Variants in DPP10 observed in about 807,000 individuals in gnomAD.
The protein encoded by DPP10 is dipeptidyl peptidase like 10.
DPP10 carries 33 observed loss-of-function variants against 120.9 expected under a neutral mutation model. The ratio of observed to expected loss-of-function variants is 0.27; its 90% confidence interval spans 0.21 to 0.37. DPP10 has a LOEUF of 0.37. Ranked by LOEUF, DPP10 falls within the 10% of genes least tolerant of loss-of-function variation. DPP10 has a pLI of 1.00. For missense variants in DPP10, 816 were observed against 942.8 expected, an observed-to-expected ratio of 0.87 and a Z score of 1.76; for synonymous variants, 337 against 326.1, an observed-to-expected ratio of 1.03 and a Z score of -0.36.
chr2:115,399,624 A>G (rs898436596), intron 3 of DPP10, among the ~76,000 whole-genome samples: 2 of 152,122 alleles, frequency 1.3e-5, no homozygotes, highest in South Asian at 2.1e-4. Context: ...TTTATCTTCT[A>G]TTGATGGACT....
intron 3 of DPP10, among the ~76,000 whole-genome samples, chr2:115,426,568 A>T (rs1258292229): frequency 2.6e-5 from 3 of 117,528 alleles, no homozygotes; most frequent in African/African-American, 1.0e-4. Context: ...TCAACATGAG[A>T]TTCTCACCAG....
At chr2:115,457,988 C>T (rs1717053) in intron 3 of DPP10, among the ~76,000 whole-genome samples, 81,285 of 151,840 alleles carry the variant, frequency 0.54, 23,700 homozygotes, top group Non-Finnish European at 0.67. Flanking sequence ...AAAGAACAAA[C>T]TCCTGTGGCT....
chr2:115,368,682 C>T (rs907592170), intron 3 of DPP10, among the ~76,000 whole-genome samples: 4 of 151,762 alleles, frequency 2.6e-5, no homozygotes, highest in African/African-American at 4.8e-5. Context: ...GATCAAGTGA[C>T]TATGTGGTAT....
chr2:115,173,681 C>A (rs2053517126), intron 1 of DPP10, among the ~76,000 whole-genome samples: 3 of 152,114 alleles, frequency 2.0e-5, no homozygotes. Flanking sequence ...GTAAAATCTG[C>A]AGATGGTAAT....
At chr2:115,599,765 A>G (rs1022056930) in intron 5 of DPP10, among the ~76,000 whole-genome samples, 1 of 152,088 alleles carries the variant, frequency 6.6e-6, no homozygotes, top group Non-Finnish European at 1.5e-5. Flanking sequence ...ATTCTGTTCT[A>G]TTTTACCTCC....
rs1200399708 is a variant in DPP10, at chr2:114,748,362, T to TTTATTTTA, written c.60+305526_60+305527insATTTTATT. Among the ~76,000 whole-genome samples the TTTATTTTA allele has an allele frequency of 2.2e-3, 278 of 124,710 alleles. 5 individuals are homozygous for TTTATTTTA. The highest frequency in any genetic ancestry group is 9.2e-3 in the African/African-American group (274 of 29,760). 81.8% of individuals were successfully genotyped at this position (124,710 alleles called of 152,430 possible). On this transcript the variant is annotated intron_variant, in intron 1 of 25. Transcript: ENST00000410059. ...TCTTTTTTTTTTTTATTTTTTTTTATTTTATTTATTTATTTATTTATTTAT... is the reference window on the plus strand; with the variant it reads ...TCTTTTTTTTTTTTATTTTTTTTTATTTATTTTATTTATTTATTTATTTATTTATTTAT...
At chr2:115,699,935 A>C (rs1329142672) in intron 7 of DPP10, among the ~76,000 whole-genome samples, 1 of 152,212 alleles carries the variant, frequency 6.6e-6, no homozygotes, top group African/African-American at 2.4e-5. Flanking sequence ...GAAATATCTG[A>C]GGATGGGTAA....
At chr2:115,529,175 C>G in intron 5 of DPP10, among the ~76,000 whole-genome samples, 1 of 148,682 alleles carries the variant, frequency 6.7e-6, no homozygotes, top group South Asian at 2.1e-4. Context: ...TTTTTTTTTT[C>G]CGGTGGGAGG....
At chr2:115,127,787 A>G (rs2050151399) in intron 1 of DPP10, among the ~76,000 whole-genome samples, 1 of 152,178 alleles carries the variant, frequency 6.6e-6, no homozygotes, top group African/African-American at 2.4e-5. Flanking sequence ...AGCCACTGTG[A>G]CTGTCATATT....
chr2:115,382,773 C>T (rs1400662), intron 3 of DPP10, among the ~76,000 whole-genome samples: 97,875 of 151,574 alleles, frequency 0.65, 32,174 homozygotes, highest in Admixed American at 0.74. Flanking sequence ...TTTGTTCCCA[C>T]CATTCAATTA....
Position 115,568,630 on chromosome 2 carries a change from C to T in DPP10, c.441+42658C>T, listed in dbSNP as rs1465220418. On this transcript the variant is annotated intron_variant, in intron 5 of 25. Transcript: ENST00000410059. ...TTTTGTCTTTTGCTCATTTTTCTAT[C>T]GCGTACTTGGTCGTTATTCTAAATC... Among the ~76,000 whole-genome samples the T allele has an allele frequency of 2.1e-5, 3 of 145,476 alleles. No individual in the cohort carries two copies. In the Admixed American group the frequency reaches 2.1e-4, roughly 10 times the overall value.
At chr2:114,483,287 T>C (rs1011503018) in intron 1 of DPP10, among the ~76,000 whole-genome samples, 2 of 151,454 alleles carry the variant, frequency 1.3e-5, no homozygotes, top group South Asian at 2.1e-4. Context: ...CAAGGAGAGG[T>C]GAGTTTGTTT....
Position 114,862,596 on chromosome 2 carries a change from G to A in DPP10, c.60+419758G>A, listed in dbSNP as rs550863013. 9.2e-5 allele frequency among the ~76,000 whole-genome samples: 14 copies of A among 152,204 alleles called. No individual in the cohort carries two copies. The East Asian group carries it at 2.7e-3, about 29-fold the overall frequency. ...AAAGAAGCTACATGAGGAGCAGACA[G>A]AAAAGTTAAACCTAAAAAAGAGCAA... On this transcript the variant is annotated intron_variant, in intron 1 of 25. Transcript: ENST00000410059.
At chr2:115,009,555 G>A (rs2105076403) in intron 1 of DPP10, among the ~76,000 whole-genome samples, 1 of 149,734 alleles carries the variant, frequency 6.7e-6, no homozygotes, top group Middle Eastern at 3.4e-3. Context: ...ATGTGCACAT[G>A]TACCCTAAAA....
chr2:115,794,956 C>A (rs1028715814), intron 19 of DPP10, among the ~76,000 whole-genome samples: 3 of 152,080 alleles, frequency 2.0e-5, no homozygotes, highest in Non-Finnish European at 2.9e-5. Context: ...AACAAGATTG[C>A]AAGCATCTTG....
At chr2:115,071,374 G>T (rs948199258) in intron 1 of DPP10, among the ~76,000 whole-genome samples, 1 of 152,126 alleles carries the variant, frequency 6.6e-6, no homozygotes. Flanking sequence ...TTTGGTCTAG[G>T]TTCCATTGCT....
At position 115,841,844 on chromosome 2, in the gene DPP10, A is replaced by G. The variant is rs114306438; in HGVS notation, c.2257-367A>G. On this transcript the variant is annotated intron_variant, in intron 25 of 25. Coordinates refer to ENST00000410059, the MANE Select transcript of DPP10 (RefSeq NM_020868.6). ...AGACTGAACTCAATGCTCTTTAAAT[A>G]AAGAGCTGGAAAGTTTTCTAAACTA... 6.0e-3 allele frequency among the ~76,000 whole-genome samples: 918 copies of G among 152,320 alleles called. 21 individuals carry two copies. The highest frequency in any genetic ancestry group is 0.021 in the African/African-American group (878 of 41,562).
In DPP10 at chr2:115,170,659, T is replaced by C. The variant is rs1165418446; in HGVS notation, c.61-138580T>C. Among the ~76,000 whole-genome samples, 5 of 152,210 alleles carry C rather than the reference T, an allele frequency of 3.3e-5. No individual in the cohort carries two copies. The East Asian group carries it at 7.7e-4, about 23-fold the overall frequency. The stretch of plus-strand genomic sequence containing the variant: ...TCCAATAAATAAAGTGAACATATTT[T>C]GAAGCCAAACCCAACATCTTCATCA... On this transcript the variant is annotated intron_variant, in intron 1 of 25. Transcript: ENST00000410059.
chr2:115,204,001 AT>A (rs2055933542), intron 1 of DPP10, among the ~76,000 whole-genome samples: 1 of 152,128 alleles, frequency 6.6e-6, no homozygotes, highest in African/African-American at 2.4e-5. Flanking sequence ...TAAATGACAA[AT>A]TTCTGTGGCG....
Sources: allele counts gnomAD v4.1 joint callset (sites outside exome capture counted in the v4.1 genomes callset), GRCh38; gene constraint gnomAD v4.1.1; transcripts MANE v1.5; gene names NCBI Gene and HGNC (gene_info 2026-07-23, HGNC 2026-07-21).